NBEA: variants seen among roughly 807,000 people sequenced by gnomAD.
NBEA encodes lysosomal-trafficking regulator 2.
A neutral mutation model predicts 343.4 loss-of-function variants in NBEA; 44 were observed. The observed-to-expected ratio is 0.13, with a 90% CI of 0.10 to 0.16. The LOEUF is 0.16. NBEA is among the 10% of genes least tolerant of loss of function. The pLI, the probability that NBEA is intolerant of heterozygous loss-of-function variation, is 1.00. For missense variants in NBEA, 2,555 were observed against 3,631.3 expected, an observed-to-expected ratio of 0.70 and a Z score of 7.62; for synonymous variants, 1,175 against 1,238.7, an observed-to-expected ratio of 0.95 and a Z score of 1.08.
At chr13:35,201,741 CTTA>C (rs2152745782) in intron 31 of NBEA, among the ~76,000 whole-genome samples, 1 of 152,092 alleles carries the variant, frequency 6.6e-6, no homozygotes, top group East Asian at 1.9e-4. Context: ...ATGAAATGGG[CTTA>C]TTATTAGTCC....
chr13:35,066,560 T>G (rs1002150864), intron 8 of NBEA, among the ~76,000 whole-genome samples: 45 of 152,116 alleles, frequency 3.0e-4, no homozygotes, highest in African/African-American at 1.0e-3. Flanking sequence ...TAATATCTAG[T>G]AATATATCTT....
intron 45 of NBEA, among the ~76,000 whole-genome samples, chr13:35,571,417 A>G (rs992988878): frequency 1.3e-5 from 2 of 152,178 alleles, no homozygotes; most frequent in African/African-American, 4.8e-5. Flanking sequence ...CTTCGCTCAA[A>G]TATTTGTTTC....
intron 38 of NBEA, among the ~76,000 whole-genome samples, chr13:35,355,236 G>T (rs2040426768): frequency 7.0e-6 from 1 of 142,244 alleles, no homozygotes; most frequent in Admixed American, 7.0e-5. Flanking sequence ...TTGACTTATT[G>T]TACCAGCATG....
Position 35,070,790 on chromosome 13 carries a change from T to C in NBEA, c.1509T>C (p.Phe503=). 1 of 1,610,396 alleles carries C rather than the reference T, an allele frequency of 6.2e-7. No homozygotes were observed. Among genetic ancestry groups the C allele is most frequent in the Non-Finnish European group, 8.5e-7 (1 of 1,178,834 alleles). Residue 503 remains phenylalanine (F), a synonymous_variant, in exon 10 of 59, where the codon TTT becomes TTC. Coordinates refer to ENST00000379939, the MANE Select transcript of NBEA (RefSeq NM_001385012.1). ...CAATTGGAGGGATTCAAGTGCTTTTTCCACTTTTTGCCCAATTGGATAATA... is the reference window on the plus strand; with the variant it reads ...CAATTGGAGGGATTCAAGTGCTTTTCCCACTTTTTGCCCAATTGGATAATA... The part of the protein sequence containing the change: ...IHSIGGIQVL[F]PLFAQLDNRQ...
chr13:35,078,499 G>T (rs940657091), intron 10 of NBEA, among the ~76,000 whole-genome samples: 1 of 152,116 alleles, frequency 6.6e-6, no homozygotes, highest in African/African-American at 2.4e-5. Flanking sequence ...GTAGCTTCTG[G>T]TCAAATGAGA....
At chr13:35,360,848 C>T (rs932624343) in intron 38 of NBEA, among the ~76,000 whole-genome samples, 1 of 151,794 alleles carries the variant, frequency 6.6e-6, no homozygotes, top group Non-Finnish European at 1.5e-5. Context: ...CTTCAGGCAC[C>T]TCTGGGATAA....
At chr13:35,099,133 G>A (rs996214452) in intron 11 of NBEA, among the ~76,000 whole-genome samples, 10 of 148,802 alleles carry the variant, frequency 6.7e-5, no homozygotes, top group African/African-American at 2.0e-4. Context: ...TCGATCAAGC[G>A]ATTCTCCTGC....
chr13:35,584,262 C>G (rs2081185464), intron 46 of NBEA, among the ~76,000 whole-genome samples: 1 of 150,844 alleles, frequency 6.6e-6, no homozygotes, highest in African/African-American at 2.4e-5. Context: ...GTATTATGAG[C>G]TTAAACCAAA....
intron 46 of NBEA, chr13:35,593,099 G>A: frequency 2.5e-6 from 1 of 402,308 alleles, no homozygotes; most frequent in Non-Finnish European, 4.5e-6. Context: ...TTTCACAGAT[G>A]AGAAGACCAG....
intron 38 of NBEA, among the ~76,000 whole-genome samples, chr13:35,394,142 TCTATA>T (rs1294171814): frequency 6.6e-6 from 1 of 152,204 alleles, no homozygotes; most frequent in African/African-American, 2.4e-5. Flanking sequence ...ATTTAGCTTA[TCTATA>T]CTTCTTTTTG....
intron 10 of NBEA, among the ~76,000 whole-genome samples, chr13:35,094,545 G>A (rs2065238032): frequency 6.6e-6 from 1 of 151,948 alleles, no homozygotes; most frequent in African/African-American, 2.4e-5. Flanking sequence ...GAACTGTGAA[G>A]GAAATTTAAC....
At position 35,118,284 on chromosome 13, in the gene NBEA, G is replaced by A. The variant is rs1188662265; in HGVS notation, c.2139G>A (p.Met713Ile). The change falls in exon 15 of 59, where the codon ATG (methionine) becomes ATA (isoleucine). Residue 713 changes from methionine to isoleucine, a missense_variant. Physicochemically the swap from Met to Ile is conservative, Grantham distance 10. Transcript: ENST00000379939. ...LQSILNYLLT[M>I]HEDENIHDVL... is the part of the protein sequence containing the mutation. The stretch of plus-strand genomic sequence containing the variant: ...GTATATTAAATTACCTACTTACGAT[G>A]CATGAGGTAGGACATGTTATGGGCC... 1.3e-6 allele frequency: 2 copies of A among 1,566,776 alleles called. No individual in the cohort carries two copies. Among genetic ancestry groups the A allele is most frequent in the African/African-American group, 1.4e-5 (1 of 73,626 alleles).
At chr13:35,473,911 TG>T (rs1202882909) in intron 41 of NBEA, among the ~76,000 whole-genome samples, 3 of 152,170 alleles carry the variant, frequency 2.0e-5, no homozygotes, top group Non-Finnish European at 4.4e-5. Flanking sequence ...TCTACTGTCA[TG>T]ATAGACTTTT....
intron 34 of NBEA, among the ~76,000 whole-genome samples, chr13:35,277,752 T>G (rs1594050805): frequency 1.3e-5 from 2 of 151,280 alleles, no homozygotes; most frequent in East Asian, 3.9e-4. Flanking sequence ...TAGATTCTAG[T>G]CATTCTTGAA....
chr13:35,546,337 C>T lies in NBEA; in HGVS notation c.6586-4140C>T, dbSNP rs527993085. ...AAAATTAGCTGGTTTTGGTGGCACACGCCTGTAGTTCCAGCTACTCAGAAG... is the reference window on the plus strand; with the variant it reads ...AAAATTAGCTGGTTTTGGTGGCACATGCCTGTAGTTCCAGCTACTCAGAAG... On this transcript the variant is annotated intron_variant, in intron 41 of 58. Transcript: ENST00000379939. 4.5e-4 allele frequency among the ~76,000 whole-genome samples: 68 copies of T among 152,050 alleles called. No homozygotes were observed. The South Asian group carries it at 9.1e-3, about 20-fold the overall frequency.
At chr13:35,352,787 A>G (rs1323267061) in intron 38 of NBEA, among the ~76,000 whole-genome samples, 1 of 152,132 alleles carries the variant, frequency 6.6e-6, no homozygotes, top group African/African-American at 2.4e-5. Context: ...TTTTCTATTC[A>G]GTCTTACCAA....
intron 8 of NBEA, among the ~76,000 whole-genome samples, chr13:35,059,581 T>A (rs2063389301): frequency 1.3e-5 from 2 of 151,928 alleles, no homozygotes; most frequent in Admixed American, 6.6e-5. Context: ...AAAGTGTTTA[T>A]AATTCTGAAG....
intron 4 of NBEA, among the ~76,000 whole-genome samples, chr13:35,047,788 TATC>T (rs1156291699): frequency 2.3e-3 from 10 of 4,426 alleles, no homozygotes; most frequent in East Asian, 0.019. Context: ...GAAAGGCCAT[TATC>T]AGCAACATGA....
intron 41 of NBEA, among the ~76,000 whole-genome samples, chr13:35,512,369 T>TA (rs1239617879): frequency 6.6e-6 from 1 of 152,196 alleles, no homozygotes; most frequent in Non-Finnish European, 1.5e-5. Flanking sequence ...CTGTTCTGGT[T>TA]AAAATCTTTG....
Sources: allele counts gnomAD v4.1 joint callset (sites outside exome capture counted in the v4.1 genomes callset), GRCh38; gene constraint gnomAD v4.1.1; transcripts MANE v1.5; gene names NCBI Gene and HGNC (gene_info 2026-07-23, HGNC 2026-07-21).